TSHZ2: variants seen among roughly 807,000 people sequenced by gnomAD.
The protein encoded by TSHZ2 is teashirt zinc finger homeobox 2, also known as teashirt homolog 2.
Under a neutral mutation model 74.4 loss-of-function variants are expected in TSHZ2, and 21 were observed. The ratio of observed to expected loss-of-function variants is 0.28; its 90% CI spans 0.20 to 0.41. The LOEUF is 0.41. Ranked by LOEUF, TSHZ2 falls within the 10% of genes least tolerant of loss-of-function variation. The pLI is 1.00. For synonymous variants in TSHZ2, 540 were observed against 515.3 expected, an observed-to-expected ratio of 1.05 and a Z score of -0.65; for missense variants, 1,244 against 1,293.5, an observed-to-expected ratio of 0.96 and a Z score of 0.59.
At chr20:52,984,312 A>T (rs1981671815) in intron 1 of TSHZ2, among the ~76,000 whole-genome samples, 1 of 152,142 alleles carries the variant, frequency 6.6e-6, no homozygotes, top group Non-Finnish European at 1.5e-5. Flanking sequence ...TAGCCAGCAG[A>T]CAGTCCCATG....
intron 2 of TSHZ2, among the ~76,000 whole-genome samples, chr20:53,357,616 G>A (rs1418483412): frequency 1.3e-5 from 2 of 152,058 alleles, no homozygotes; most frequent in Non-Finnish European, 2.9e-5. Flanking sequence ...GAATTTTTTT[G>A]TGCTCAAGAA....
At position 53,253,741 on chromosome 20, in the gene TSHZ2, A is replaced by T; in HGVS notation, c.283A>T (p.Ile95Phe). ...LSDASDQVSD[I>F]KSVCGRDASD... The stretch of plus-strand genomic sequence containing the variant: ...TGACGCCAGTGATCAGGTGTCGGAC[A>T]TCAAGAGTGTCTGCGGCAGAGATGC... Residue 95 changes from isoleucine to phenylalanine, a missense_variant, in exon 2 of 3, where the codon ATC becomes TTC. Coordinates refer to ENST00000371497, the MANE Select transcript of TSHZ2 (RefSeq NM_173485.6). 4 of 1,614,266 alleles carry T rather than the reference A, an allele frequency of 2.5e-6. No homozygotes were observed. The highest frequency in any genetic ancestry group is 3.4e-6 in the Non-Finnish European group (4 of 1,180,052).
At chr20:52,988,557 T>C (rs1981859404) in intron 1 of TSHZ2, among the ~76,000 whole-genome samples, 1 of 152,040 alleles carries the variant, frequency 6.6e-6, no homozygotes, top group African/African-American at 2.4e-5. Flanking sequence ...AAATTTAGTG[T>C]TTCCCCAGGT....
chr20:53,160,902 TTATAAGGTGC>T (rs1280396839), intron 1 of TSHZ2, among the ~76,000 whole-genome samples: 1 of 151,970 alleles, frequency 6.6e-6, no homozygotes, highest in African/African-American at 2.4e-5. Flanking sequence ...ATCTATTTCT[TTATAAGGTGC>T]TAATAGGCCA....
At chr20:53,397,650 C>T (rs1982501750) in intron 2 of TSHZ2, 1 of 152,206 alleles carries the variant, frequency 6.6e-6, no homozygotes, top group South Asian at 2.1e-4. Context: ...GATTATAAAT[C>T]ATGCTGCTAT....
intron 1 of TSHZ2, among the ~76,000 whole-genome samples, chr20:53,045,855 C>T (rs1984210023): frequency 6.6e-6 from 1 of 152,174 alleles, no homozygotes; most frequent in South Asian, 2.1e-4. Flanking sequence ...CGTCATCTTT[C>T]CAAAGTGCCA....
intron 2 of TSHZ2, among the ~76,000 whole-genome samples, chr20:53,438,702 T>C (rs1484771868): frequency 6.6e-6 from 1 of 152,198 alleles, no homozygotes; most frequent in Non-Finnish European, 1.5e-5. Context: ...GGCTCACGCC[T>C]GTAATCCTAG....
At chr20:53,168,336 A>C (rs994722443) in intron 1 of TSHZ2, among the ~76,000 whole-genome samples, 1 of 152,066 alleles carries the variant, frequency 6.6e-6, no homozygotes, top group Non-Finnish European at 1.5e-5. Context: ...CTAGGAGCCA[A>C]CCTCCCCACC....
chr20:52,996,581 T>C (rs1982204249), intron 1 of TSHZ2, among the ~76,000 whole-genome samples: 1 of 152,138 alleles, frequency 6.6e-6, no homozygotes, highest in Admixed American at 6.5e-5. Context: ...TCTTGCTGTA[T>C]TTGGGATTGT....
intron 1 of TSHZ2, among the ~76,000 whole-genome samples, chr20:53,096,553 A>T (rs1224318731): frequency 3.3e-5 from 5 of 151,862 alleles, no homozygotes; most frequent in African/African-American, 1.2e-4. Flanking sequence ...CTAATTTTGT[A>T]TGTCATTATC....
chr20:53,257,860 C>G (rs1990515651), intron 2 of TSHZ2, among the ~76,000 whole-genome samples: 1 of 152,190 alleles, frequency 6.6e-6, no homozygotes, highest in Non-Finnish European at 1.5e-5. Flanking sequence ...TCACCACACC[C>G]TATTGTCAGA....
intron 1 of TSHZ2, among the ~76,000 whole-genome samples, chr20:53,003,527 CT>C (rs1982523132): frequency 6.6e-6 from 1 of 152,162 alleles, no homozygotes; most frequent in Non-Finnish European, 1.5e-5. Context: ...AGAAATAAGC[CT>C]TCCAGAAGAG....
intron 1 of TSHZ2, among the ~76,000 whole-genome samples, chr20:53,064,942 T>C (rs1409404936): frequency 6.6e-6 from 1 of 152,246 alleles, no homozygotes; most frequent in Non-Finnish European, 1.5e-5. Flanking sequence ...TAAGCCTCTC[T>C]GACTTTAATA....
At chr20:53,327,696 T>C (rs746539332) in intron 2 of TSHZ2, among the ~76,000 whole-genome samples, 2 of 152,218 alleles carry the variant, frequency 1.3e-5, no homozygotes, top group Non-Finnish European at 2.9e-5. Context: ...CATCAGTGAA[T>C]AGTCAGAGAA....
intron 2 of TSHZ2, among the ~76,000 whole-genome samples, chr20:53,444,313 G>A (rs769118738): frequency 6.6e-5 from 10 of 152,124 alleles, no homozygotes; most frequent in South Asian, 2.1e-4. Flanking sequence ...CTCCACACAC[G>A]GCTCCATCTC....
chr20:52,982,992 G>C (rs758590259), intron 1 of TSHZ2, among the ~76,000 whole-genome samples: 4 of 152,212 alleles, frequency 2.6e-5, no homozygotes, highest in Non-Finnish European at 4.4e-5. Context: ...GGGCATGTTT[G>C]CTCTCTCCGT....
At position 52,972,946 on chromosome 20, in the gene TSHZ2, C is replaced by CAA. The variant is rs560692751; in HGVS notation, c.-335_-334dup. 0.017 allele frequency: 2,968 copies of CAA among 173,758 alleles called. 14 individuals carry two copies. Among genetic ancestry groups the CAA allele is most frequent in the African/African-American group, 0.045 (1,180 of 26,342 alleles). The allele number at this position is 173,758 out of a possible 1,614,324, so 10.8% of individuals were successfully genotyped here. On this transcript the variant is annotated 5_prime_UTR_variant, in exon 1 of 3. It introduces an in-frame stop codon into an upstream open reading frame of the 5' UTR. Coordinates refer to ENST00000371497, the MANE Select transcript of TSHZ2 (RefSeq NM_173485.6). ...AGAAATCAAGTGTCTCAACAGTCACCAAAAAAAAAAAAAACCGCAAAAACA... is the reference window on the plus strand; with the variant it reads ...AGAAATCAAGTGTCTCAACAGTCACCAAAAAAAAAAAAAAAACCGCAAAAACA...
At position 53,206,185 on chromosome 20, in the gene TSHZ2, C is replaced by T. The variant is rs1413282890; in HGVS notation, c.41-47314C>T. 5.9e-5 allele frequency among the ~76,000 whole-genome samples: 9 copies of T among 152,320 alleles called. No individual in the cohort carries two copies. The East Asian group carries it at 1.2e-3, about 20-fold the overall frequency. ...AGTGAGCCAACATTGCACCGCTGCA[C>T]TCCAGCCTGACGGCAGAGCCAGACG... On this transcript the variant is annotated intron_variant, in intron 1 of 2. Transcript: ENST00000371497.
chr20:53,142,619 GAAC>G (rs1987431603), intron 1 of TSHZ2, among the ~76,000 whole-genome samples: 1 of 152,232 alleles, frequency 6.6e-6, no homozygotes, highest in Non-Finnish European at 1.5e-5. Context: ...ATCAAGTTCA[GAAC>G]AACAGCCTGC....
Sources: allele counts gnomAD v4.1 joint callset (sites outside exome capture counted in the v4.1 genomes callset), GRCh38; gene constraint gnomAD v4.1.1; transcripts MANE v1.5; gene names NCBI Gene and HGNC (gene_info 2026-07-23, HGNC 2026-07-21).